Variants in MARCHF1 observed in about 807,000 individuals in gnomAD.
The protein encoded by MARCHF1 is membrane associated ring-CH-type finger 1.
In MARCHF1, 40 loss-of-function variants were observed where a neutral mutation model predicts 54.2. That is an observed-to-expected ratio of 0.74 (90% CI 0.57 to 0.96). The LOEUF (loss-of-function observed/expected upper bound fraction) is 0.96. MARCHF1 is among the 40% of genes least tolerant of loss of function. The probability of loss-of-function intolerance (pLI) is 0.00; values close to 1 mark genes in which losing one functional copy is unlikely to be tolerated. For synonymous variants in MARCHF1, 236 were observed against 236.3 expected, an observed-to-expected ratio of 1.00 and a Z score of 0.01; for missense variants, 586 against 656.5, an observed-to-expected ratio of 0.89 and a Z score of 1.17.
chr4:163,928,261 C>T (rs1245205874), intron 3 of MARCHF1, among the ~76,000 whole-genome samples: 2 of 151,544 alleles, frequency 1.3e-5, no homozygotes, highest in African/African-American at 2.4e-5. Context: ...TCTGCTGGGC[C>T]AAAGGGATTA....
intron 4 of MARCHF1, among the ~76,000 whole-genome samples, chr4:163,763,306 T>TG (rs1030370106): frequency 5.9e-5 from 9 of 152,104 alleles, no homozygotes; most frequent in Non-Finnish European, 1.0e-4. Context: ...AGCAGGAACA[T>TG]GCTTATTCTC....
At chr4:163,712,754 C>G (rs984995204) in intron 4 of MARCHF1, among the ~76,000 whole-genome samples, 1 of 152,088 alleles carries the variant, frequency 6.6e-6, no homozygotes, top group Non-Finnish European at 1.5e-5. Context: ...CGGATCAGAA[C>G]AAAGTGCCAG....
intron 1 of MARCHF1, among the ~76,000 whole-genome samples, chr4:164,213,487 G>A (rs1220001021): frequency 2.0e-5 from 3 of 151,612 alleles, no homozygotes; most frequent in South Asian, 2.1e-4. Flanking sequence ...CGCCTGCCTC[G>A]GCCTCCCAAA....
chr4:163,994,790 CACACAA>C (rs1333268871), intron 2 of MARCHF1, among the ~76,000 whole-genome samples: 2 of 13,100 alleles, frequency 1.5e-4, no homozygotes, highest in Admixed American at 1.5e-3. Flanking sequence ...CACACACACA[CACACAA>C]AACAAATGCA....
At chr4:163,648,309 G>A (rs1168737658) in intron 5 of MARCHF1, among the ~76,000 whole-genome samples, 1 of 151,866 alleles carries the variant, frequency 6.6e-6, no homozygotes, top group Non-Finnish European at 1.5e-5. Context: ...CTAGTTTCAA[G>A]ATATTAGGCT....
intron 4 of MARCHF1, among the ~76,000 whole-genome samples, chr4:163,720,586 A>G (rs183291799): frequency 4.5e-4 from 68 of 152,272 alleles, no homozygotes; most frequent in African/African-American, 1.6e-3. Flanking sequence ...TAGCCTGATG[A>G]GGATGGCATT....
intron 7 of MARCHF1, among the ~76,000 whole-genome samples, chr4:163,587,552 T>C (rs1454290401): frequency 6.6e-6 from 1 of 152,122 alleles, no homozygotes; most frequent in Non-Finnish European, 1.5e-5. Context: ...CACTTATAAG[T>C]AGGAGCTAAA....
At chr4:163,931,296 T>C (rs1343300592) in intron 3 of MARCHF1, among the ~76,000 whole-genome samples, 1 of 152,170 alleles carries the variant, frequency 6.6e-6, no homozygotes, top group Non-Finnish European at 1.5e-5. Context: ...TTTTGGGTAA[T>C]ATTAACATTT....
At chr4:164,034,232 T>C (rs1579477722) in intron 2 of MARCHF1, among the ~76,000 whole-genome samples, 1 of 151,974 alleles carries the variant, frequency 6.6e-6, no homozygotes, top group Non-Finnish European at 1.5e-5. Flanking sequence ...AACATGGGAA[T>C]AGAAAACCAA....
At position 163,700,800 on chromosome 4, in the gene MARCHF1, G is replaced by GT. The variant is rs1439607009; in HGVS notation, c.162+12dup. Reference sequence around the variant, plus strand: ...CAGAAGTCAACAAACAAGAAAATGAGTACTTCACCTACTTTTGAAATGTTA... The same window carrying GT: ...CAGAAGTCAACAAACAAGAAAATGAGTTACTTCACCTACTTTTGAAATGTTA... On this transcript the variant is annotated intron_variant, in intron 5 of 9. Coordinates refer to ENST00000514618, the MANE Select transcript of MARCHF1 (RefSeq NM_001394959.1). The GT allele has an allele frequency of 3.9e-6, 6 of 1,533,000 alleles. No homozygotes were observed. The East Asian group carries it at 1.5e-4, about 38-fold the overall frequency. 95.0% of individuals were successfully genotyped at this position (1,533,000 alleles called of 1,614,324 possible).
At position 163,528,900 on chromosome 4, in the gene MARCHF1, T is replaced by G. The variant is rs1358184314; in HGVS notation, c.1486A>C (p.Asn496His). The G allele has an allele frequency of 6.2e-7, 1 of 1,613,400 alleles. No individual in the cohort carries two copies. The highest frequency in any genetic ancestry group is 8.5e-7 in the Non-Finnish European group (1 of 1,179,594). ...KAYNRVIFVQ[N>H]CPDTAKKLEK... ...AGTTTTTTGGCAGTGTCTGGGCAAT[T>G]TTGTACAAAGATCACACGGTTGTAG... is the stretch of plus-strand genomic sequence containing the variant. The change falls in exon 10 of 10, where the codon AAT (asparagine) becomes CAT (histidine). Residue 496 changes from asparagine (N) to histidine (H), a missense_variant. Transcript: ENST00000514618.
intron 8 of MARCHF1, among the ~76,000 whole-genome samples, chr4:163,560,802 G>C (rs534139532): frequency 1.3e-5 from 2 of 152,018 alleles, no homozygotes; most frequent in Non-Finnish European, 2.9e-5. Context: ...TATTTTTAAA[G>C]ATTTCAATTT....
chr4:163,555,508 G>A (rs537723280), intron 8 of MARCHF1, among the ~76,000 whole-genome samples: 40 of 151,902 alleles, frequency 2.6e-4, no homozygotes, highest in African/African-American at 9.7e-4. Flanking sequence ...TTTAAACAAA[G>A]TTCCTTTAAA....
At position 164,297,775 on chromosome 4, in the gene MARCHF1, C is replaced by T. The variant is rs532959340; in HGVS notation, c.-323+86095G>A. 1.4e-3 allele frequency among the ~76,000 whole-genome samples: 218 copies of T among 152,066 alleles called. 1 individual carries two copies. Among genetic ancestry groups the T allele is most frequent in the Non-Finnish European group, 2.6e-3 (179 of 67,956 alleles). On this transcript the variant is annotated intron_variant, in intron 1 of 9. Coordinates refer to ENST00000514618, the MANE Select transcript of MARCHF1 (RefSeq NM_001394959.1). ...GAATACAATACAGGAATTGTACTAC[C>T]GTTGCAATTTTTCTATAAATCTAAA...
Position 163,806,728 on chromosome 4 carries a change from T to C in MARCHF1, c.111+47293A>G, listed in dbSNP as rs532652499. Among the ~76,000 whole-genome samples the C allele has an allele frequency of 3.9e-4, 60 of 152,264 alleles. 1 individual carries two copies. The highest frequency in any genetic ancestry group is 1.2e-3 in the African/African-American group (48 of 41,542). On this transcript the variant is annotated intron_variant, in intron 4 of 9. Coordinates refer to ENST00000514618, the MANE Select transcript of MARCHF1 (RefSeq NM_001394959.1). ...TGATGGGAAAAGCATCCTGGTGGCA[T>C]CCAGTCCCAGCTACTCTTTTCCCAA...
intron 1 of MARCHF1, among the ~76,000 whole-genome samples, chr4:164,135,856 T>C (rs1433227024): frequency 2.6e-5 from 4 of 152,134 alleles, no homozygotes; most frequent in Non-Finnish European, 4.4e-5. Context: ...GAAACTTACG[T>C]TTTTCCTCAA....
intron 3 of MARCHF1, among the ~76,000 whole-genome samples, chr4:163,966,120 A>G (rs1752439114): frequency 6.6e-6 from 1 of 152,108 alleles, no homozygotes. Flanking sequence ...TAATATTTCA[A>G]TTTAGGTCTA....
At chr4:163,680,084 A>G (rs1037450976) in intron 5 of MARCHF1, among the ~76,000 whole-genome samples, 2 of 148,666 alleles carry the variant, frequency 1.3e-5, no homozygotes, top group Admixed American at 1.3e-4. Flanking sequence ...AATGTTCCTT[A>G]TAATTTTCAT....
In MARCHF1 at chr4:164,015,165, TC is replaced by T. The variant is rs1482226009; in HGVS notation, c.-247-26457del. ...TATAAATCTATCCATTATGGTTATC[TC>T]ATTTTTTGACAAAGGTGCCAAGGAC... On this transcript the variant is annotated intron_variant, in intron 2 of 9. Coordinates refer to ENST00000514618, the MANE Select transcript of MARCHF1 (RefSeq NM_001394959.1). 7.9e-5 allele frequency among the ~76,000 whole-genome samples: 12 copies of T among 152,270 alleles called. No individual in the cohort carries two copies. The East Asian group carries it at 2.3e-3, about 29-fold the overall frequency.
Sources: allele counts gnomAD v4.1 joint callset (sites outside exome capture counted in the v4.1 genomes callset), GRCh38; gene constraint gnomAD v4.1.1; transcripts MANE v1.5; gene names NCBI Gene and HGNC (gene_info 2026-07-23, HGNC 2026-07-21).